Variants in PNPLA7 observed in about 807,000 individuals in gnomAD.
PNPLA7 encodes the protein patatin-like phospholipase domain-containing protein 7.
A neutral mutation model predicts 161.7 loss-of-function variants in PNPLA7; 153 were observed. The observed-to-expected ratio is 0.95, with a 90% CI of 0.83 to 1.08. The LOEUF (loss-of-function observed/expected upper bound fraction) is 1.08. Ranked by LOEUF, PNPLA7 falls within the 50% of genes least tolerant of loss-of-function variation. PNPLA7 has a pLI of 0.00. For synonymous variants in PNPLA7, 809 were observed against 782.1 expected (o/e 1.03, Z -0.57); for missense variants, 1,739 against 1,856.6 (o/e 0.94, Z 1.16).
At chr9:137,515,560 C>T in intron 11 of PNPLA7, 41 bp from the exon 12 acceptor site, 1 of 1,493,526 alleles carries the variant, frequency 6.7e-7, no homozygotes. Context: ...TTTGCACGCA[C>T]TCCCTGGTGT....
intron 12 of PNPLA7, chr9:137,509,687 C>G (rs1340320093): frequency 2.2e-6 from 1 of 448,410 alleles, no homozygotes; most frequent in Non-Finnish European, 4.5e-6. Flanking sequence ...TCACATGAGG[C>G]TTGTGGCCCA....
In PNPLA7 at chr9:137,545,819, C is replaced by G. The variant is rs112635132; in HGVS notation, c.273+1011G>C. ...CAGGGCCACCAGAGGGCTCCTTGGT[C>G]TAGTGGTGACGCCAGCGTCTGGGAA... On this transcript the variant is annotated intron_variant, in intron 4 of 34. Coordinates refer to ENST00000406427, the MANE Select transcript of PNPLA7 (RefSeq NM_001098537.3). Among the ~76,000 whole-genome samples the G allele has an allele frequency of 7.7e-4, 117 of 152,320 alleles. 1 individual carries two copies. Among genetic ancestry groups the G allele is most frequent in the South Asian group, 2.7e-3 (13 of 4,828 alleles).
At position 137,480,315 on chromosome 9, in the gene PNPLA7, G is replaced by C. The variant is rs142382954; in HGVS notation, c.2577C>G (p.Gly859=). 3 of 1,611,340 alleles carry C rather than the reference G, an allele frequency of 1.9e-6. No homozygotes were observed. Among genetic ancestry groups the C allele is most frequent in the East Asian group, 2.2e-5 (1 of 44,822 alleles). The part of the protein sequence containing the change: ...VGLGDQEPTV[G]ELERMLESTA... ...CACCGGCCCTCCCCGTGCTCACCTC[G>C]CCCACTGTGGGCTCCTGGTCACCCA... is the stretch of plus-strand genomic sequence containing the variant. Residue 859 remains glycine (G), a synonymous_variant, in exon 23 of 35, where the codon GGC becomes GGG. Coordinates refer to ENST00000406427, the MANE Select transcript of PNPLA7 (RefSeq NM_001098537.3).
At chr9:137,544,637 T>C (rs1455087405) in intron 4 of PNPLA7, among the ~76,000 whole-genome samples, 42 of 152,198 alleles carry the variant, frequency 2.8e-4, no homozygotes, top group Non-Finnish European at 1.5e-5. Context: ...TTTCTTTTTG[T>C]TTTTTGTTTG....
In PNPLA7 at chr9:137,471,703, G is replaced by A. The variant is rs116828006; in HGVS notation, c.2883-4230C>T. ...GTGCAAGACCTCTACACTGAAGACC[G>A]CAAATCATGGCTGATCATAACTACA... On this transcript the variant is annotated intron_variant, in intron 25 of 34. Coordinates refer to ENST00000406427, the MANE Select transcript of PNPLA7 (RefSeq NM_001098537.3). Among the ~76,000 whole-genome samples the A allele has an allele frequency of 3.8e-3, 583 of 151,840 alleles. 8 individuals carry two copies. Among genetic ancestry groups the A allele is most frequent in the African/African-American group, 0.014 (561 of 41,430 alleles).
intron 14 of PNPLA7, among the ~76,000 whole-genome samples, chr9:137,502,947 C>T (rs1026057611): frequency 4.0e-5 from 6 of 151,828 alleles, no homozygotes; most frequent in African/African-American, 7.3e-5. Context: ...GGCACCCGAA[C>T]GGTACGGAAG....
intron 11 of PNPLA7, among the ~76,000 whole-genome samples, chr9:137,515,760 C>G (rs1410723520): frequency 1.4e-5 from 2 of 139,524 alleles, no homozygotes. Context: ...CCCACATCCC[C>G]CTCCTCCCAA....
chr9:137,514,574 G>A (rs1422325500), intron 12 of PNPLA7, among the ~76,000 whole-genome samples: 10 of 146,356 alleles, frequency 6.8e-5, no homozygotes, highest in Middle Eastern at 4.2e-3. Context: ...GGGCCCTGTG[G>A]CCGGGCTGTG....
At chr9:137,471,247 A>G (rs143174909) in intron 25 of PNPLA7, among the ~76,000 whole-genome samples, 11 of 152,380 alleles carry the variant, frequency 7.2e-5, no homozygotes. Context: ...AGATCAATTT[A>G]TAAATATCAA....
chr9:137,502,911 T>C (rs562975161), intron 14 of PNPLA7, among the ~76,000 whole-genome samples: 7 of 151,594 alleles, frequency 4.6e-5, no homozygotes, highest in Non-Finnish European at 1.0e-4. Flanking sequence ...TGACGTGCTA[T>C]GATGATGGGA....
chr9:137,505,602 G>A lies in PNPLA7; in HGVS notation c.1473+12C>T, dbSNP rs201001333. The A allele has an allele frequency of 1.9e-4, 300 of 1,613,334 alleles. 2 individuals carry two copies. In the African/African-American group the frequency reaches 3.4e-3, roughly 18 times the overall value. On this transcript the variant is annotated intron_variant, in intron 14 of 34. Coordinates refer to ENST00000406427, the MANE Select transcript of PNPLA7 (RefSeq NM_001098537.3). ...GTGGGACAAGGGCCAGGTGCCCGCC[G>A]GGGCCACTCACTTCCAGCTTCATCA...
At chr9:137,544,332 A>C (rs1208955001) in intron 4 of PNPLA7, among the ~76,000 whole-genome samples, 1 of 151,914 alleles carries the variant, frequency 6.6e-6, no homozygotes, top group African/African-American at 2.4e-5. Flanking sequence ...TGGCAGGGTC[A>C]CCTCACTCAG....
Position 137,497,213 on chromosome 9 carries a change from A to T in PNPLA7, c.1987T>A (p.Tyr663Asn). 3 of 1,585,358 alleles carry T rather than the reference A, an allele frequency of 1.9e-6. No individual in the cohort carries two copies. The highest frequency in any genetic ancestry group is 1.7e-6 in the Non-Finnish European group (2 of 1,167,238). The change falls in exon 18 of 35, where the codon TAC becomes AAC. Residue 663 changes from tyrosine (Y) to asparagine (N), a missense_variant. Coordinates refer to ENST00000406427, the MANE Select transcript of PNPLA7 (RefSeq NM_001098537.3). ...DDGKKRLAGE[Y>N]GRGDLVGVVE... is the part of the protein sequence containing the mutation. ...ACGCCGACGAGGTCTCCTCGGCCGTACTCCCCGGCCAGGCGCTTCTTCCCA... is the reference window on the plus strand; with the variant it reads ...ACGCCGACGAGGTCTCCTCGGCCGTTCTCCCCGGCCAGGCGCTTCTTCCCA...
chr9:137,491,955 C>A (rs971507982), intron 20 of PNPLA7: 1 of 985,326 alleles, frequency 1.0e-6, no homozygotes, highest in African/African-American at 1.7e-5. Flanking sequence ...ATGCAGGACA[C>A]GCGGGAGCAG....
At chr9:137,503,572 G>A (rs1308166297) in intron 14 of PNPLA7, among the ~76,000 whole-genome samples, 5 of 122,976 alleles carry the variant, frequency 4.1e-5, no homozygotes, top group Admixed American at 8.4e-5. Context: ...GAGGAGGAAG[G>A]AGAAGGAGAA....
At chr9:137,474,548 T>C (rs1831851910) in intron 25 of PNPLA7, among the ~76,000 whole-genome samples, 1 of 152,050 alleles carries the variant, frequency 6.6e-6, no homozygotes, top group Non-Finnish European at 1.5e-5. Context: ...CGGAGTGCCG[T>C]GGGGAAACGC....
intron 18 of PNPLA7, 142 bp downstream of exon 18, chr9:137,497,045 C>A: frequency 8.8e-7 from 1 of 1,139,310 alleles, no homozygotes. Context: ...CACAGCAAAG[C>A]GGCTGCGGGG....
At chr9:137,484,499 T>A in intron 21 of PNPLA7, 88 bp downstream of exon 21, 1 of 1,405,610 alleles carries the variant, frequency 7.1e-7, no homozygotes, top group African/African-American at 1.4e-5. Flanking sequence ...CACCGCCGCG[T>A]CCCCTCGAAG....
At chr9:137,509,935 A>G (rs901262988) in intron 12 of PNPLA7, 11 of 328,048 alleles carry the variant, frequency 3.4e-5, no homozygotes, top group African/African-American at 1.9e-4. Context: ...TCCCAATATT[A>G]TAATAATCCT....
Sources: gnomAD v4.1 joint callset for allele counts (sites outside exome capture counted in the v4.1 genomes callset) on GRCh38, gnomAD v4.1.1 for gene constraint, MANE v1.5 for transcripts, NCBI Gene and HGNC (gene_info 2026-07-23, HGNC 2026-07-21) for gene names.